The following TAS2R1 variants were observed in gnomAD, a reference collection of about 807,000 sequenced individuals.
TAS2R1 encodes the protein taste receptor type 2 member 1.
For synonymous variants in TAS2R1, 141 were observed against 134.2 expected, an observed-to-expected ratio of 1.05 and a Z score of -0.35; for missense variants, 370 against 353.4, an observed-to-expected ratio of 1.05 and a Z score of -0.38.
the TAS2R1 span, among the ~76,000 whole-genome samples, chr5:9,853,643 G>A: frequency 6.6e-6 from 1 of 152,116 alleles, no homozygotes; most frequent in African/African-American, 2.4e-5. Context: ...CAACATGACT[G>A]TATCCCTGAA....
chr5:9,894,522 C>T, the TAS2R1 span, among the ~76,000 whole-genome samples: 1 of 152,212 alleles, frequency 6.6e-6, no homozygotes, highest in Non-Finnish European at 1.5e-5. Context: ...TCTGCAAACC[C>T]TGGAGGAAGG....
At chr5:9,877,755 C>T in the TAS2R1 span, among the ~76,000 whole-genome samples, 8 of 152,184 alleles carry the variant, frequency 5.3e-5, no homozygotes, top group Non-Finnish European at 7.3e-5. Context: ...TTTCTGTCTG[C>T]GAACTGCTTA....
the TAS2R1 span, among the ~76,000 whole-genome samples, chr5:9,737,889 C>CT: frequency 2.6e-5 from 4 of 152,192 alleles, no homozygotes; most frequent in African/African-American, 9.6e-5. Flanking sequence ...AGGCTAAACT[C>CT]TGTCACTGGT....
chr5:9,698,343 A>G (rs1741401446), intron 1 of TAS2R1, among the ~76,000 whole-genome samples: 1 of 152,208 alleles, frequency 6.6e-6, no homozygotes, highest in Non-Finnish European at 1.5e-5. Flanking sequence ...TTTTGTATTA[A>G]TAGTTTTCAA....
chr5:9,818,413 A>T, the TAS2R1 span, among the ~76,000 whole-genome samples: 1 of 152,180 alleles, frequency 6.6e-6, no homozygotes, highest in Non-Finnish European at 1.5e-5. Context: ...TACCTCTGTC[A>T]GTTGGCTTTT....
chr5:9,803,877 T>A, the TAS2R1 span, among the ~76,000 whole-genome samples: 2 of 152,168 alleles, frequency 1.3e-5, no homozygotes, highest in African/African-American at 4.8e-5. Context: ...AGTAGAATAG[T>A]ACCTCATATC....
chr5:9,697,571 A>G (rs1741385293), intron 1 of TAS2R1, among the ~76,000 whole-genome samples: 1 of 152,204 alleles, frequency 6.6e-6, no homozygotes, highest in Non-Finnish European at 1.5e-5. Context: ...TCTGCCCCAT[A>G]AAGAATTATT....
intron 2 of TAS2R1, among the ~76,000 whole-genome samples, chr5:9,648,905 C>A (rs1386095751): frequency 2.6e-5 from 4 of 152,096 alleles, no homozygotes; most frequent in Admixed American, 2.6e-4. Flanking sequence ...ATCTGGAAAG[C>A]CCCTCTTCCT....
At chr5:9,829,541 C>T in the TAS2R1 span, among the ~76,000 whole-genome samples, 1 of 152,160 alleles carries the variant, frequency 6.6e-6, no homozygotes, top group African/African-American at 2.4e-5. Flanking sequence ...ATTAATTGTA[C>T]TGTGATTACT....
intron 2 of TAS2R1, among the ~76,000 whole-genome samples, chr5:9,640,083 A>G (rs1286007099): frequency 2.0e-5 from 3 of 152,150 alleles, no homozygotes; most frequent in Non-Finnish European, 4.4e-5. Context: ...CTAGCTTTTA[A>G]TTTAAAATAA....
At chr5:9,875,060 G>T in the TAS2R1 span, among the ~76,000 whole-genome samples, 1 of 152,184 alleles carries the variant, frequency 6.6e-6, no homozygotes, top group African/African-American at 2.4e-5. Context: ...AACAGGGATT[G>T]AAATTAAATA....
At chr5:9,768,432 T>A in the TAS2R1 span, among the ~76,000 whole-genome samples, 1 of 152,222 alleles carries the variant, frequency 6.6e-6, no homozygotes, top group Non-Finnish European at 1.5e-5. Context: ...ACACTCAACA[T>A]GTCTAGCAAG....
At chr5:9,777,950 G>A in the TAS2R1 span, among the ~76,000 whole-genome samples, 4 of 147,924 alleles carry the variant, frequency 2.7e-5, no homozygotes, top group Non-Finnish European at 4.4e-5. Context: ...GCGCAATCTC[G>A]GCTCACTGCA....
At chr5:9,722,206 C>G in the TAS2R1 span, among the ~76,000 whole-genome samples, 1 of 152,194 alleles carries the variant, frequency 6.6e-6, no homozygotes. Context: ...CCAAGAGGAC[C>G]CCCCACAGGG....
At chr5:9,846,433 G>C in the TAS2R1 span, among the ~76,000 whole-genome samples, 4 of 152,122 alleles carry the variant, frequency 2.6e-5, no homozygotes, top group Non-Finnish European at 5.9e-5. Flanking sequence ...TGTTGTCTGT[G>C]TCTCCCGGAC....
At chr5:9,806,630 C>T in the TAS2R1 span, among the ~76,000 whole-genome samples, 5 of 152,124 alleles carry the variant, frequency 3.3e-5, no homozygotes, top group South Asian at 6.2e-4. Flanking sequence ...GCCAAGCAAA[C>T]AAAAACATAA....
chr5:9,873,817 G>A, the TAS2R1 span, among the ~76,000 whole-genome samples: 3 of 150,510 alleles, frequency 2.0e-5, no homozygotes, highest in African/African-American at 4.9e-5. Context: ...TGCAGTGAGC[G>A]GAGATTGAGC....
chr5:9,692,587 C>G (rs1402168654), intron 1 of TAS2R1, among the ~76,000 whole-genome samples: 1 of 152,230 alleles, frequency 6.6e-6, no homozygotes, highest in African/African-American at 2.4e-5. Context: ...GACTCCTGAA[C>G]AAAAGTGCTC....
chr5:9,804,977 T>C, the TAS2R1 span, among the ~76,000 whole-genome samples: 4 of 151,666 alleles, frequency 2.6e-5, no homozygotes, highest in Admixed American at 6.6e-5. Flanking sequence ...AAAAGATAAA[T>C]ATAATTGATA....
Sources: allele counts gnomAD v4.1 joint callset (sites outside exome capture counted in the v4.1 genomes callset), GRCh38; gene constraint gnomAD v4.1.1; transcripts MANE v1.5; gene names NCBI Gene and HGNC (gene_info 2026-07-23, HGNC 2026-07-21).